ITSN2: variants seen among roughly 807,000 people sequenced by gnomAD.
ITSN2 encodes the protein intersectin-2.
A neutral mutation model predicts 243.7 loss-of-function variants in ITSN2; 156 were observed. The observed-to-expected ratio is 0.64, with a 90% CI of 0.56 to 0.73. The LOEUF is 0.73. Among genes scored for constraint, ITSN2 ranks in the 30% least tolerant of loss-of-function variants. The probability of loss-of-function intolerance (pLI) is 0.00; values close to 1 mark genes in which losing one functional copy is unlikely to be tolerated. For missense variants in ITSN2, 1,801 were observed against 1,996.1 expected, an observed-to-expected ratio of 0.90 and a Z score of 1.86; for synonymous variants, 703 against 699.9, an observed-to-expected ratio of 1.00 and a Z score of -0.07.
At chr2:24,276,279 GAATT>G (rs1678006833) in intron 17 of ITSN2, among the ~76,000 whole-genome samples, 1 of 152,112 alleles carries the variant, frequency 6.6e-6, no homozygotes, top group Non-Finnish European at 1.5e-5. Flanking sequence ...ACTAAACACA[GAATT>G]ATTAAATAAT....
At chr2:24,313,369 G>T in intron 4 of ITSN2, 91 bp downstream of exon 4, 1 of 983,316 alleles carries the variant, frequency 1.0e-6, no homozygotes, top group Non-Finnish European at 1.5e-6. Context: ...ATAACCAATA[G>T]AATGCAACTA....
intron 12 of ITSN2, 55 bp from the exon 13 acceptor site, chr2:24,298,869 C>T (rs1681345845): frequency 6.6e-7 from 1 of 1,507,922 alleles, no homozygotes; most frequent in Admixed American, 2.1e-5. Context: ...TTGCACGATT[C>T]AAAAACTGGG....
chr2:24,327,126 G>A (rs1022168800), intron 2 of ITSN2, among the ~76,000 whole-genome samples: 1 of 151,716 alleles, frequency 6.6e-6, no homozygotes, highest in South Asian at 2.1e-4. Flanking sequence ...TTTCTTTAGC[G>A]ATTTAAAAAT....
intron 17 of ITSN2, among the ~76,000 whole-genome samples, chr2:24,279,362 G>A (rs563923663): frequency 6.6e-6 from 1 of 152,284 alleles, no homozygotes; most frequent in African/African-American, 2.4e-5. Flanking sequence ...ATTATCTCAA[G>A]TCAACACTGG....
chr2:24,327,501 G>T (rs1685286330), intron 2 of ITSN2, among the ~76,000 whole-genome samples: 1 of 151,930 alleles, frequency 6.6e-6, no homozygotes, highest in South Asian at 2.1e-4. Flanking sequence ...GTTTCACCAT[G>T]TTGACCAGGC....
At chr2:24,295,539 C>A in intron 14 of ITSN2, 125 bp downstream of exon 14, 1 of 627,580 alleles carries the variant, frequency 1.6e-6, no homozygotes, top group East Asian at 3.1e-5. Flanking sequence ...GAACTCCTGA[C>A]CTCAGGGGAT....
intron 30 of ITSN2, among the ~76,000 whole-genome samples, chr2:24,218,681 C>G (rs113432174): frequency 1.3e-5 from 2 of 151,988 alleles, no homozygotes; most frequent in Admixed American, 6.5e-5. Flanking sequence ...TACCAATTGA[C>G]CTATGAAGAA....
At chr2:24,209,004 G>A in intron 36 of ITSN2, 96 bp downstream of exon 36, 1 of 1,389,212 alleles carries the variant, frequency 7.2e-7, no homozygotes. Flanking sequence ...CAGAATTAGT[G>A]GGGCTTAAGC....
In ITSN2 at chr2:24,204,818, T is replaced by G; in HGVS notation, c.4762+396A>C. 2.2e-6 allele frequency: 1 copy of G among 447,876 alleles called. No individual in the cohort carries two copies. Among genetic ancestry groups the G allele is most frequent in the East Asian group, 6.7e-5 (1 of 14,862 alleles). The allele number at this position is 447,876 out of a possible 1,614,324, so 27.7% of individuals were successfully genotyped here. On this transcript the variant is annotated intron_variant, in intron 38 of 39. Transcript: ENST00000355123. This position sits in a 1 kb window ranked among gnomAD's most constrained non-coding sequence, Gnocchi z 5.1. ...GCACTGGACACACTGTTAGAAAGCA[T>G]TCCTTTATTCAGTGTTCAGAAGAGT...
chr2:24,310,554 G>A lies in ITSN2; in HGVS notation c.491C>T (p.Thr164Ile), dbSNP rs1482099760. The A allele has an allele frequency of 1.2e-6, 2 of 1,614,162 alleles. No homozygotes were observed. Among genetic ancestry groups the A allele is most frequent in the Non-Finnish European group, 1.7e-6 (2 of 1,180,010 alleles). ...MPTPLVPSVS[T>I]SSLPNGTASL... ...GGCGGTTCCATTTGGTAATGATGAT[G>A]TGCTAACAGAAGGCACTAGGGGAGT... The change falls in exon 6 of 40, where the codon ACA becomes ATA. Residue 164 changes from threonine (T) to isoleucine (I), a missense_variant. By Grantham distance (89) the Thr-to-Ile change is moderately conservative (BLOSUM62 -1). Around this residue, in one of 5 missense-constraint regions of ITSN2, gnomAD observed 787 missense variants for 803.9 expected, o/e 0.98. Coordinates refer to ENST00000355123, the MANE Select transcript of ITSN2 (RefSeq NM_006277.3).
At chr2:24,340,438 G>A (rs1376812749) in intron 1 of ITSN2, among the ~76,000 whole-genome samples, 7 of 151,354 alleles carry the variant, frequency 4.6e-5, no homozygotes, top group Admixed American at 2.6e-4. Context: ...CTGAGATCAC[G>A]TCACTGCACT....
chr2:24,241,146 C>T (rs1672685732), intron 29 of ITSN2: 1 of 152,110 alleles, frequency 6.6e-6, no homozygotes, highest in Admixed American at 6.6e-5. Flanking sequence ...CATTTAAACT[C>T]TTAAAGGATT....
chr2:24,242,974 C>A (rs968311363), intron 29 of ITSN2, among the ~76,000 whole-genome samples: 1 of 152,074 alleles, frequency 6.6e-6, no homozygotes, highest in East Asian at 1.9e-4. Flanking sequence ...TATAAAATAA[C>A]CTCTTGAACA....
chr2:24,303,766 A>T (rs1258876168), intron 9 of ITSN2, 33 bp downstream of exon 9: 1 of 1,342,682 alleles, frequency 7.4e-7, no homozygotes. Flanking sequence ...TGCATAGTTA[A>T]ATTAATCAAA....
chr2:24,209,224 G>C lies in ITSN2; in HGVS notation c.4474-3C>G. On this transcript the variant is annotated splice_region_variant and splice_polypyrimidine_tract_variant and intron_variant, in intron 35 of 39. Transcript: ENST00000355123. ...AAGACTTCATTCAGGAAAATGGGCTGAAAGAATTAGGGCCAAAACACAGGC... is the reference window on the plus strand; with the variant it reads ...AAGACTTCATTCAGGAAAATGGGCTCAAAGAATTAGGGCCAAAACACAGGC... The C allele has an allele frequency of 1.2e-6, 2 of 1,614,008 alleles. No individual in the cohort carries two copies. The highest frequency in any genetic ancestry group is 1.7e-6 in the Non-Finnish European group (2 of 1,179,926).
At chr2:24,228,022 A>G (rs1671215983) in intron 29 of ITSN2, among the ~76,000 whole-genome samples, 1 of 152,236 alleles carries the variant, frequency 6.6e-6, no homozygotes, top group Non-Finnish European at 1.5e-5. Flanking sequence ...TAATATTGAG[A>G]TTATAATGGC....
chr2:24,308,563 G>A, intron 8 of ITSN2, 54 bp downstream of exon 8: 1 of 1,134,340 alleles, frequency 8.8e-7, no homozygotes, highest in Non-Finnish European at 1.2e-6. Flanking sequence ...TTCTTCAGTG[G>A]AAGTCCACAT....
intron 29 of ITSN2, among the ~76,000 whole-genome samples, chr2:24,233,895 G>A (rs1437619126): frequency 6.6e-6 from 1 of 152,132 alleles, no homozygotes; most frequent in Non-Finnish European, 1.5e-5. Context: ...CTTTTGACAA[G>A]CTTAAAACAT....
chr2:24,336,577 T>G (rs540411859), intron 1 of ITSN2, among the ~76,000 whole-genome samples: 1 of 152,234 alleles, frequency 6.6e-6, no homozygotes, highest in African/African-American at 2.4e-5. Context: ...CTCTACTCCT[T>G]CATAAAGAGG....
Sources: gnomAD v4.1 joint callset for allele counts (sites outside exome capture counted in the v4.1 genomes callset) on GRCh38, gnomAD v4.1.1 for gene constraint, gnomAD v4.1.1 regional missense constraint, Gnocchi (gnomAD v3.1) non-coding constraint, MANE v1.5 for transcripts, NCBI Gene and HGNC (gene_info 2026-07-23, HGNC 2026-07-21) for gene names.